Variants in ITGB4 observed in about 807,000 individuals in gnomAD.
ITGB4 encodes integrin subunit beta 4.
Under a neutral mutation model 207.6 loss-of-function variants are expected in ITGB4, and 159 were observed. That is an observed-to-expected ratio of 0.77 (90% CI 0.67 to 0.87). The LOEUF (loss-of-function observed/expected upper bound fraction) is 0.87. Ranked by LOEUF, ITGB4 falls within the 40% of genes least tolerant of loss-of-function variation. The probability of loss-of-function intolerance (pLI) is 0.00; values close to 1 mark genes in which losing one functional copy is unlikely to be tolerated. For missense variants in ITGB4, 2,278 were observed against 2,546.8 expected (o/e 0.89, Z 2.27); for synonymous variants, 1,020 against 1,062.7 (o/e 0.96, Z 0.78).
chr17:75,727,985 C>A lies in ITGB4; in HGVS notation c.469+130C>A. On this transcript the variant is annotated intron_variant, in intron 5 of 39. Coordinates refer to ENST00000200181, the MANE Select transcript of ITGB4 (RefSeq NM_000213.5). The surrounding 1 kb of genome is among the most constrained non-coding windows in gnomAD (Gnocchi z 6.0). ...ACTGGACATTTGAGCCCCCAAAAAC[C>A]TTCCCTTCCATTCTCAAGGGAAGAA... 1.2e-6 allele frequency: 1 copy of A among 825,716 alleles called. No individual in the cohort carries two copies. The highest frequency in any genetic ancestry group is 1.9e-6 in the Non-Finnish European group (1 of 517,424). 51.1% of individuals were successfully genotyped at this position (825,716 alleles called of 1,614,324 possible). A position where few individuals can be genotyped will look rare whatever the true frequency, so the allele number is the denominator to read the frequency against.
At chr17:75,735,486 C>T (rs1363992189) in intron 13 of ITGB4, among the ~76,000 whole-genome samples, 1 of 146,060 alleles carries the variant, frequency 6.8e-6, no homozygotes, top group Non-Finnish European at 1.5e-5. Context: ...GATCTCGGCT[C>T]ACTGCAACCT....
intron 25 of ITGB4, among the ~76,000 whole-genome samples, chr17:75,743,070 A>G (rs993730728): frequency 2.6e-5 from 4 of 152,048 alleles, no homozygotes; most frequent in Non-Finnish European, 4.4e-5. Flanking sequence ...CACCGTGGAC[A>G]TCTGACCCCT....
At chr17:75,741,366 G>A (rs12450478) in intron 23 of ITGB4, among the ~76,000 whole-genome samples, 11,057 of 152,152 alleles carry the variant, frequency 0.073, 855 homozygotes, top group East Asian at 0.32. Flanking sequence ...GACCAGGCAG[G>A]TTACCGAGAG....
chr17:75,757,686 G>T lies in ITGB4; in HGVS notation c.*131G>T. The T allele has an allele frequency of 7.7e-7, 1 of 1,301,116 alleles. No individual in the cohort carries two copies. Among genetic ancestry groups the T allele is most frequent in the South Asian group, 1.2e-5 (1 of 82,728 alleles). The allele number at this position is 1,301,116 out of a possible 1,614,324, so 80.6% of individuals were successfully genotyped here. A position where few individuals can be genotyped will look rare whatever the true frequency, so the allele number is the denominator to read the frequency against. ...CCCGCATGCACAGAGCAGGGGCTAG[G>T]TGTCTCCTGGGAGGCATGAAGGGGG... On this transcript the variant is annotated 3_prime_UTR_variant, in exon 40 of 40. Transcript: ENST00000200181.
Position 75,730,534 on chromosome 17 carries a change from G to T in ITGB4, c.1002+30G>T, listed in dbSNP as rs778779616. The stretch of plus-strand genomic sequence containing the variant: ...GGGGCCCAGGTCCCACGGGTGGGAG[G>T]TGGTCAAGGTAGGGGGTCCATGGAG... On this transcript the variant is annotated intron_variant, in intron 8 of 39. Coordinates refer to ENST00000200181, the MANE Select transcript of ITGB4 (RefSeq NM_000213.5). 9 of 1,612,422 alleles carry T rather than the reference G, an allele frequency of 5.6e-6. 1 individual carries two copies. Among genetic ancestry groups the T allele is most frequent in the East Asian group, 4.5e-5 (2 of 44,862 alleles).
chr17:75,753,271 C>G (rs1028458928), intron 32 of ITGB4, among the ~76,000 whole-genome samples: 1 of 152,196 alleles, frequency 6.6e-6, no homozygotes, highest in Non-Finnish European at 1.5e-5. Context: ...CTTAAGGAGC[C>G]ATTTTGAGGG....
chr17:75,749,297 G>A (rs2061310798), intron 27 of ITGB4, among the ~76,000 whole-genome samples: 1 of 152,172 alleles, frequency 6.6e-6, no homozygotes, highest in Admixed American at 6.5e-5. Context: ...GGAGGCCAAG[G>A]TGGGAGGATC....
rs753153439 is a variant in ITGB4, at chr17:75,739,832, C to G, written c.2255-48C>G. 2 of 1,610,510 alleles carry G rather than the reference C, an allele frequency of 1.2e-6. No homozygotes were observed. The highest frequency in any genetic ancestry group is 1.7e-5 in the Admixed American group (1 of 60,002). The stretch of plus-strand genomic sequence containing the variant: ...TGGGGTCCCACCTGAAGAGGTTGGG[C>G]TGTGCGGGTCTAGGGAGGGGTGCCG... On this transcript the variant is annotated intron_variant, in intron 19 of 39. Transcript: ENST00000200181. The surrounding 1 kb of genome is among the most constrained non-coding windows in gnomAD (Gnocchi z 5.4).
At chr17:75,745,285 T>A (rs1041186549) in intron 26 of ITGB4, among the ~76,000 whole-genome samples, 2 of 151,788 alleles carry the variant, frequency 1.3e-5, no homozygotes, top group African/African-American at 4.8e-5. Flanking sequence ...CCCAGCTACT[T>A]GGAAGGCTGA....
chr17:75,728,143 C>T (rs902791049), intron 5 of ITGB4, among the ~76,000 whole-genome samples: 1 of 152,226 alleles, frequency 6.6e-6, no homozygotes, highest in Non-Finnish European at 1.5e-5. Context: ...CTCCTCAGAG[C>T]TGGGCTGCAT....
intron 26 of ITGB4, among the ~76,000 whole-genome samples, 155 bp downstream of exon 26, chr17:75,744,016 T>G (rs1225872159): frequency 6.6e-6 from 1 of 151,892 alleles, no homozygotes; most frequent in Non-Finnish European, 1.5e-5. Flanking sequence ...CACCTGCTCC[T>G]GCCACCCTGT....
rs2061330985 is a variant in ITGB4 at position 75,750,046 on chromosome 17, C to A, written c.3317-65C>A. On this transcript the variant is annotated intron_variant, in intron 27 of 39. Transcript: ENST00000200181. This position sits in a 1 kb window ranked among gnomAD's most constrained non-coding sequence, Gnocchi z 5.5. ...GAGCGCCCTGGGTGTTGAAGTGGGT[C>A]TCTGGCGCCCCCTGGTGGTGAAGGG... 1 of 1,604,296 alleles carries A rather than the reference C, an allele frequency of 6.2e-7. No homozygotes were observed. The highest frequency in any genetic ancestry group is 8.5e-7 in the Non-Finnish European group (1 of 1,172,238).
At chr17:75,743,171 G>A (rs952018772) in intron 25 of ITGB4, among the ~76,000 whole-genome samples, 23 of 152,016 alleles carry the variant, frequency 1.5e-4, no homozygotes, top group Admixed American at 4.6e-4. Flanking sequence ...GGTCCTGCCC[G>A]TGACTGGCCT....
rs553229598 is a variant in ITGB4, at chr17:75,749,483, G to A, written c.3316+438G>A. Among the ~76,000 whole-genome samples, 26 of 152,214 alleles carry A rather than the reference G, an allele frequency of 1.7e-4. No homozygotes were observed. In the East Asian group the frequency reaches 4.4e-3, roughly 26 times the overall value. On this transcript the variant is annotated intron_variant, in intron 27 of 39. Transcript: ENST00000200181. ...GTCTGGGCCGCAGCAAGCTGTGATCGCACCACTGCACAGCACCTGGGCCAT... is the reference window on the plus strand; with the variant it reads ...GTCTGGGCCGCAGCAAGCTGTGATCACACCACTGCACAGCACCTGGGCCAT...
chr17:75,746,911 A>C (rs1204420042), intron 26 of ITGB4, among the ~76,000 whole-genome samples: 2 of 146,158 alleles, frequency 1.4e-5, no homozygotes, highest in African/African-American at 5.1e-5. Context: ...CCTGGGTGAC[A>C]GAGTGAAACC....
chr17:75,724,861 C>T (rs1017528017), intron 2 of ITGB4, 79 bp downstream of exon 2: 7 of 1,211,144 alleles, frequency 5.8e-6, no homozygotes, highest in Admixed American at 1.8e-5. Context: ...GGGGATCTCA[C>T]GGTGTCTCAC....
chr17:75,748,363 AAAAC>A lies in ITGB4; in HGVS notation c.3112-464_3112-461del, dbSNP rs925634896. On this transcript the variant is annotated intron_variant, in intron 26 of 39. Coordinates refer to ENST00000200181, the MANE Select transcript of ITGB4 (RefSeq NM_000213.5). The stretch of plus-strand genomic sequence containing the variant: ...GGTGACAGAGTGAGACCCTGTCTCA[AAAAC>A]AAACAAACAAACAGAAACGTGGCTG... Among the ~76,000 whole-genome samples the A allele has an allele frequency of 1.8e-4, 27 of 150,722 alleles. No individual in the cohort carries two copies. The East Asian group carries it at 2.0e-3, about 11-fold the overall frequency.
In ITGB4 at chr17:75,731,781, C is replaced by T. The variant is rs541434319; in HGVS notation, c.1216-31C>T. 3 of 1,549,038 alleles carry T rather than the reference C, an allele frequency of 1.9e-6. No individual in the cohort carries two copies. The highest frequency in any genetic ancestry group is 3.9e-5 in the Admixed American group (2 of 51,414). ...TGGCCCCCTGGTCCTTGGGGCTGGGCCTGCCTTGGCTGACCACGGGGCCCC... is the reference window on the plus strand; with the variant it reads ...TGGCCCCCTGGTCCTTGGGGCTGGGTCTGCCTTGGCTGACCACGGGGCCCC... On this transcript the variant is annotated intron_variant, in intron 10 of 39. Coordinates refer to ENST00000200181, the MANE Select transcript of ITGB4 (RefSeq NM_000213.5). This position sits in a 1 kb window ranked among gnomAD's most constrained non-coding sequence, Gnocchi z 6.8.
chr17:75,734,451 C>A (rs548866286), intron 13 of ITGB4, among the ~76,000 whole-genome samples: 1 of 152,006 alleles, frequency 6.6e-6, no homozygotes, highest in East Asian at 1.9e-4. Context: ...CTGAGCCCGG[C>A]CCAAAGATGC....
Sources: gnomAD v4.1 joint callset for allele counts (sites outside exome capture counted in the v4.1 genomes callset) on GRCh38, gnomAD v4.1.1 for gene constraint, Gnocchi (gnomAD v3.1) non-coding constraint, MANE v1.5 for transcripts, NCBI Gene and HGNC (gene_info 2026-07-23, HGNC 2026-07-21) for gene names.